The following CHL1 variants were observed in gnomAD, a reference collection of about 807,000 sequenced individuals.
CHL1 encodes the protein cell adhesion molecule L1 like, also known as neural cell adhesion molecule L1-like protein.
Under a neutral mutation model 141.9 loss-of-function variants are expected in CHL1, and 96 were observed. The ratio of observed to expected loss-of-function variants is 0.68; its 90% CI spans 0.57 to 0.80. The LOEUF is 0.80. CHL1 is among the 30% of genes least tolerant of loss of function. The pLI is 0.00. For synonymous variants in CHL1, 613 were observed against 502.2 expected, an observed-to-expected ratio of 1.22 and a Z score of -2.95; for missense variants, 1,820 against 1,457.2, an observed-to-expected ratio of 1.25 and a Z score of -4.05.
chr3:307,536 C>G (rs79085471), intron 2 of CHL1, among the ~76,000 whole-genome samples: 2,546 of 152,234 alleles, frequency 0.017, 72 homozygotes, highest in African/African-American at 0.058. Flanking sequence ...AAATCCTAAG[C>G]CTGGAGTGCA....
chr3:351,106 C>G (rs966157112), intron 10 of CHL1, among the ~76,000 whole-genome samples: 3 of 152,134 alleles, frequency 2.0e-5, no homozygotes, highest in African/African-American at 7.2e-5. Flanking sequence ...GCTACGGTAG[C>G]TGAATATTTT....
At chr3:258,078 A>T (rs1694348936) in intron 2 of CHL1, among the ~76,000 whole-genome samples, 1 of 152,182 alleles carries the variant, frequency 6.6e-6, no homozygotes, top group South Asian at 2.1e-4. Flanking sequence ...CAGTCTCCAA[A>T]GGAGGGAGCA....
intron 2 of CHL1, among the ~76,000 whole-genome samples, chr3:314,848 T>C (rs1033715097): frequency 8.5e-5 from 13 of 152,120 alleles, no homozygotes; most frequent in Non-Finnish European, 1.8e-4. Flanking sequence ...AGGAAATAGC[T>C]TCTTAGGAGG....
In CHL1 at chr3:199,121, C is replaced by T. The variant is rs1038568663; in HGVS notation, c.-175+2058C>T. ...TTCATAATTTAACGTGGTTACAGAG[C>T]CTATGTATACCCTGGCTTTCCATTT... On this transcript the variant is annotated intron_variant, in intron 1 of 27. Transcript: ENST00000256509. 2.0e-5 allele frequency among the ~76,000 whole-genome samples: 3 copies of T among 152,284 alleles called. No homozygotes were observed. The East Asian group carries it at 5.8e-4, about 29-fold the overall frequency.
rs1491484285 is a variant in CHL1, at chr3:314,307, CTT to C, written c.-94-5374_-94-5373del. Among the ~76,000 whole-genome samples, 399 of 120,516 alleles carry C rather than the reference CTT, an allele frequency of 3.3e-3. 15 individuals are homozygous for C. Among genetic ancestry groups the C allele is most frequent in the African/African-American group, 0.014 (381 of 27,804 alleles). The allele number at this position is 120,516 out of a possible 152,430, so 79.1% of individuals were successfully genotyped here. A position where few individuals can be genotyped will look rare whatever the true frequency, so the allele number is the denominator to read the frequency against. Reference sequence around the variant, plus strand: ...CTCCCCCCAATCTTGCACTCTCTCTCTTTCTCTCTCTCTCTCTATGTGTATAT... The same window carrying C: ...CTCCCCCCAATCTTGCACTCTCTCTCTCTCTCTCTCTCTCTATGTGTATAT... On this transcript the variant is annotated intron_variant, in intron 2 of 27. Coordinates refer to ENST00000256509, the MANE Select transcript of CHL1 (RefSeq NM_006614.4).
intron 1 of CHL1, chr3:197,927 G>C: frequency 2.5e-6 from 1 of 400,868 alleles, no homozygotes; most frequent in South Asian, 1.8e-5. Context: ...CGGAGAAAGT[G>C]ATTAATTTGG....
At chr3:227,101 A>G (rs1350456586) in intron 1 of CHL1, among the ~76,000 whole-genome samples, 1 of 152,168 alleles carries the variant, frequency 6.6e-6, no homozygotes, top group Non-Finnish European at 1.5e-5. Context: ...AAGAAGCGTA[A>G]ATGTTGTCCA....
In CHL1 at chr3:375,259, A is replaced by C. The variant is rs992160742; in HGVS notation, c.1752-2559A>C. On this transcript the variant is annotated intron_variant, in intron 15 of 27. Coordinates refer to ENST00000256509, the MANE Select transcript of CHL1 (RefSeq NM_006614.4). The stretch of plus-strand genomic sequence containing the variant: ...TTAGAATTTATATCGTGCTTAACAA[A>C]GGTAATGGGGACTGTTCATGACTGT... Among the ~76,000 whole-genome samples the C allele has an allele frequency of 2.6e-5, 4 of 152,072 alleles. No individual in the cohort carries two copies. In the East Asian group the frequency reaches 7.8e-4, roughly 30 times the overall value.
chr3:368,736 T>G (rs914632138), intron 15 of CHL1, among the ~76,000 whole-genome samples: 2 of 152,218 alleles, frequency 1.3e-5, no homozygotes, highest in African/African-American at 4.8e-5. Flanking sequence ...GGTTTTATAT[T>G]TAAGTCTTTA....
chr3:244,118 T>C (rs78177816), intron 1 of CHL1, among the ~76,000 whole-genome samples: 7,252 of 152,168 alleles, frequency 0.048, 559 homozygotes, highest in African/African-American at 0.17. Context: ...ACCTCTTGAG[T>C]TGAAGGCTTA....
At chr3:313,817 A>G (rs1699940406) in intron 2 of CHL1, among the ~76,000 whole-genome samples, 1 of 152,192 alleles carries the variant, frequency 6.6e-6, no homozygotes, top group Non-Finnish European at 1.5e-5. Flanking sequence ...TCAAAGCATT[A>G]AAGAAAAATG....
rs1438650416 is a variant in CHL1 at position 302,942 on chromosome 3, G to C, written c.-94-16741G>C. On this transcript the variant is annotated intron_variant, in intron 2 of 27. Transcript: ENST00000256509. ...GTGTAAGGTGTAAGGAAGGGGTCCA[G>C]TTTCAGTTTTCTGCATATGGCTACC... 2.0e-5 allele frequency among the ~76,000 whole-genome samples: 3 copies of C among 152,138 alleles called. No individual in the cohort carries two copies. In the South Asian group the frequency reaches 6.2e-4, roughly 32 times the overall value.
intron 2 of CHL1, among the ~76,000 whole-genome samples, chr3:258,966 C>T (rs1365372177): frequency 6.8e-6 from 1 of 147,356 alleles, no homozygotes; most frequent in African/African-American, 2.5e-5. Context: ...GACATTCTCC[C>T]TTTGTCACCC....
chr3:349,609 C>A, intron 10 of CHL1, 66 bp downstream of exon 10: 1 of 1,345,066 alleles, frequency 7.4e-7, no homozygotes, highest in African/African-American at 1.5e-5. Flanking sequence ...TGTAGTAGGC[C>A]TTGCTTCTAA....
At chr3:354,374 T>C (rs1703517976) in intron 10 of CHL1, among the ~76,000 whole-genome samples, 3 of 152,058 alleles carry the variant, frequency 2.0e-5, no homozygotes, top group Admixed American at 1.3e-4. Context: ...AAAATGGTTG[T>C]ATATAACTAT....
intron 10 of CHL1, among the ~76,000 whole-genome samples, chr3:354,261 G>T (rs933813018): frequency 6.6e-6 from 1 of 151,900 alleles, no homozygotes; most frequent in Non-Finnish European, 1.5e-5. Flanking sequence ...TAGATGCCAT[G>T]CTGCAGCTTG....
intron 13 of CHL1, 66 bp from the exon 14 acceptor site, chr3:363,151 C>A: frequency 1.5e-6 from 2 of 1,338,350 alleles, no homozygotes; most frequent in East Asian, 2.3e-5. Context: ...ACGTCACTGA[C>A]TAGTATTAAA....
intron 2 of CHL1, among the ~76,000 whole-genome samples, chr3:302,000 A>G (rs1359551553): frequency 6.6e-6 from 1 of 152,110 alleles, no homozygotes; most frequent in Non-Finnish European, 1.5e-5. Context: ...TATGTGGTGC[A>G]TGGTTTTCTG....
At chr3:324,424 C>A (rs1187865875) in intron 3 of CHL1, among the ~76,000 whole-genome samples, 2 of 152,008 alleles carry the variant, frequency 1.3e-5, no homozygotes, top group East Asian at 3.9e-4. Context: ...ACTGGGATGT[C>A]TCCTTTTGAA....
Sources: allele counts gnomAD v4.1 joint callset (sites outside exome capture counted in the v4.1 genomes callset), GRCh38; gene constraint gnomAD v4.1.1; transcripts MANE v1.5; gene names NCBI Gene and HGNC (gene_info 2026-07-23, HGNC 2026-07-21).